AGPAT5: variants seen among roughly 807,000 people sequenced by gnomAD.
AGPAT5 encodes 1-acyl-sn-glycerol-3-phosphate acyltransferase epsilon.
AGPAT5 carries 46 observed loss-of-function variants against 45.6 expected under a neutral mutation model. That is an observed-to-expected ratio of 1.01 (90% CI 0.80 to 1.29). AGPAT5 has a LOEUF of 1.29. Among genes scored for constraint, AGPAT5 ranks in the 50% most tolerant of loss-of-function variants. The pLI, the probability that AGPAT5 is intolerant of heterozygous loss-of-function variation, is 0.00. For synonymous variants in AGPAT5, 272 were observed against 167.0 expected (o/e 1.63, Z -4.85); for missense variants, 673 against 450.7 (o/e 1.49, Z -4.47).
At chr8:6,736,385 C>T (rs916119845) in intron 4 of AGPAT5, among the ~76,000 whole-genome samples, 1 of 152,108 alleles carries the variant, frequency 6.6e-6, no homozygotes, top group African/African-American at 2.4e-5. Context: ...ATATGAAGTG[C>T]TGTGTGGTTT....
chr8:6,736,534 G>C (rs1801058479), intron 4 of AGPAT5, among the ~76,000 whole-genome samples: 2 of 152,182 alleles, frequency 1.3e-5, no homozygotes, highest in African/African-American at 2.4e-5. Context: ...TGCTGTTCTT[G>C]CTTATGGTAC....
intron 2 of AGPAT5, among the ~76,000 whole-genome samples, chr8:6,727,579 C>T (rs1172619541): frequency 6.6e-6 from 1 of 152,124 alleles, no homozygotes; most frequent in Non-Finnish European, 1.5e-5. Flanking sequence ...TGGGGTTTCA[C>T]CATGTTGGTC....
rs1388731813 is a variant in AGPAT5 at position 6,747,844 on chromosome 8, C to G, written c.745+16C>G. On this transcript the variant is annotated intron_variant, in intron 6 of 7. Transcript: ENST00000285518. ...ACCATGACGGGTAAGTGTGTTCACG[C>G]ACCTGAAATGCCTGTACACGGTATA... 1.2e-6 allele frequency: 2 copies of G among 1,613,096 alleles called. No individual in the cohort carries two copies. Among genetic ancestry groups the G allele is most frequent in the South Asian group, 1.1e-5 (1 of 90,974 alleles).
chr8:6,756,088 A>T (rs1250463272), intron 7 of AGPAT5, among the ~76,000 whole-genome samples: 1 of 152,230 alleles, frequency 6.6e-6, no homozygotes, highest in African/African-American at 2.4e-5. Context: ...TTTATAAAGC[A>T]ATAGAAGCGC....
intron 6 of AGPAT5, among the ~76,000 whole-genome samples, chr8:6,751,227 C>T (rs902472334): frequency 2.0e-5 from 3 of 152,142 alleles, no homozygotes; most frequent in African/African-American, 7.2e-5. Context: ...GGCCACATTT[C>T]ATTAGTATTA....
intron 6 of AGPAT5, among the ~76,000 whole-genome samples, chr8:6,749,782 CAGAT>C (rs538081033): frequency 5.3e-5 from 8 of 152,170 alleles, no homozygotes; most frequent in Non-Finnish European, 7.3e-5. Context: ...CAATGAAAAA[CAGAT>C]AGACTCCCCA....
At chr8:6,743,883 A>G (rs1170047439) in intron 5 of AGPAT5, among the ~76,000 whole-genome samples, 1 of 152,128 alleles carries the variant, frequency 6.6e-6, no homozygotes, top group African/African-American at 2.4e-5. Context: ...TGTGTCTATA[A>G]TGGCAAACCA....
At position 6,737,338 on chromosome 8, in the gene AGPAT5, A is replaced by G. The variant is rs1801089242; in HGVS notation, c.496-4323A>G. 2.0e-5 allele frequency among the ~76,000 whole-genome samples: 3 copies of G among 152,236 alleles called. 1 individual carries two copies. The highest frequency in any genetic ancestry group is 4.1e-4 in the South Asian group (2 of 4,826). On this transcript the variant is annotated intron_variant, in intron 4 of 7. Coordinates refer to ENST00000285518, the MANE Select transcript of AGPAT5 (RefSeq NM_018361.5). ...TCTGAAGGTGAATTAAGTAAGTGAC[A>G]TGGTAGAATATGTTAAGTCAACTTT...
In AGPAT5 at chr8:6,761,117, G is replaced by T. The variant is rs1802028887; in HGVS notation, c.*3729G>T. Among the ~76,000 whole-genome samples, 3 of 152,126 alleles carry T rather than the reference G, an allele frequency of 2.0e-5. No homozygotes were observed. The South Asian group carries it at 6.2e-4, about 31-fold the overall frequency. On this transcript the variant is annotated 3_prime_UTR_variant, in exon 8 of 8. Coordinates refer to ENST00000285518, the MANE Select transcript of AGPAT5 (RefSeq NM_018361.5). Reference sequence around the variant, plus strand: ...TACTATAATAATAGCTGGTTATCCTGAGCAGGGGAAAAGGTTATTTTTAGG... The same window carrying T: ...TACTATAATAATAGCTGGTTATCCTTAGCAGGGGAAAAGGTTATTTTTAGG...
At chr8:6,748,942 T>C (rs2116949670) in intron 6 of AGPAT5, among the ~76,000 whole-genome samples, 1 of 152,334 alleles carries the variant, frequency 6.6e-6, no homozygotes, top group East Asian at 1.9e-4. Flanking sequence ...CCTTGGAAAT[T>C]TTATAGAGTA....
At position 6,734,318 on chromosome 8, in the gene AGPAT5, G is replaced by C. The variant is rs77224957; in HGVS notation, c.495+1668G>C. Among the ~76,000 whole-genome samples, 1,472 of 150,392 alleles carry C rather than the reference G, an allele frequency of 9.8e-3. 34 individuals are homozygous for C. Among genetic ancestry groups the C allele is most frequent in the African/African-American group, 0.034 (1,392 of 40,964 alleles). ...TTTTTTCTTTTTGTGTTACATTTTG[G>C]ATAATTTCTGTTGACCCACCTTTGA... On this transcript the variant is annotated intron_variant, in intron 4 of 7. Transcript: ENST00000285518.
At position 6,732,572 on chromosome 8, in the gene AGPAT5, C is replaced by G. The variant is rs373446573; in HGVS notation, c.417C>G (p.Ile139Met). Residue 139 changes from isoleucine (I) to methionine (M), a missense_variant, in exon 4 of 8, where the codon ATC becomes ATG. Physicochemically the swap from Ile to Met is conservative, Grantham distance 10 (BLOSUM62 1). Transcript: ENST00000285518. ...YGCYFAQHGG[I>M]YVKRSAKFNE... ...TTTGATTGTGGCAGCATGGAGGAAT[C>G]TATGTAAAGCGCAGTGCCAAATTTA... is the stretch of plus-strand genomic sequence containing the variant. 4.4e-6 allele frequency: 7 copies of G among 1,603,020 alleles called. No individual in the cohort carries two copies. Among genetic ancestry groups the G allele is most frequent in the African/African-American group, 1.3e-5 (1 of 74,182 alleles).
chr8:6,732,445 A>G (rs1800894893), intron 3 of AGPAT5, 116 bp from the exon 4 acceptor site: 1 of 663,252 alleles, frequency 1.5e-6, no homozygotes, highest in Non-Finnish European at 2.4e-6. Flanking sequence ...TATAGATTAA[A>G]TTCTGAAATG....
At chr8:6,757,099 T>A (rs972459213) in intron 7 of AGPAT5, 64 bp from the exon 8 acceptor site, 11 of 1,252,076 alleles carry the variant, frequency 8.8e-6, no homozygotes, top group Non-Finnish European at 1.2e-5. Flanking sequence ...GCTACCTGAT[T>A]GATATTTTTT....
chr8:6,759,973 C>T lies in AGPAT5; in HGVS notation c.*2585C>T, dbSNP rs1563313238. 1.3e-5 allele frequency among the ~76,000 whole-genome samples: 2 copies of T among 152,246 alleles called. No homozygotes were observed. The highest frequency in any genetic ancestry group is 2.4e-5 in the African/African-American group (1 of 41,548). On this transcript the variant is annotated 3_prime_UTR_variant, in exon 8 of 8. Coordinates refer to ENST00000285518, the MANE Select transcript of AGPAT5 (RefSeq NM_018361.5). Reference sequence around the variant, plus strand: ...TAACTAAGTTGGTGAATAAAAGTGCCGATCTGGCTAACTCTTACACCATAC... The same window carrying T: ...TAACTAAGTTGGTGAATAAAAGTGCTGATCTGGCTAACTCTTACACCATAC...
chr8:6,745,494 T>A (rs189837711), intron 5 of AGPAT5, among the ~76,000 whole-genome samples: 23 of 152,380 alleles, frequency 1.5e-4, no homozygotes, highest in African/African-American at 5.0e-4. Context: ...GTTGTCATAT[T>A]TGTTAACTTT....
chr8:6,734,783 T>A (rs1310812064), intron 4 of AGPAT5, among the ~76,000 whole-genome samples: 3 of 151,748 alleles, frequency 2.0e-5, no homozygotes, highest in Non-Finnish European at 4.4e-5. Context: ...AGGAGTGGAG[T>A]CAGTCCACTG....
chr8:6,713,003 G>A (rs961642682), intron 1 of AGPAT5, among the ~76,000 whole-genome samples: 2 of 152,118 alleles, frequency 1.3e-5, no homozygotes, highest in Non-Finnish European at 2.9e-5. Flanking sequence ...TGGGGTTTGG[G>A]TTTTTTTGAG....
chr8:6,752,884 G>A (rs932696379), intron 6 of AGPAT5, among the ~76,000 whole-genome samples: 1 of 152,104 alleles, frequency 6.6e-6, no homozygotes, highest in Non-Finnish European at 1.5e-5. Flanking sequence ...AATGGCATTT[G>A]ACATTGAACT....
Sources: allele counts gnomAD v4.1 joint callset (sites outside exome capture counted in the v4.1 genomes callset), GRCh38; gene constraint gnomAD v4.1.1; transcripts MANE v1.5; gene names NCBI Gene and HGNC (gene_info 2026-07-23, HGNC 2026-07-21).